Variants in POU6F2 observed in about 807,000 individuals in gnomAD.
POU6F2 encodes the protein POU class 6 homeobox 2, also known as POU domain, class 6, transcription factor 2.
A neutral mutation model predicts 71.3 loss-of-function variants in POU6F2; 31 were observed. That is an observed-to-expected ratio of 0.43 (90% CI 0.33 to 0.59). The LOEUF (loss-of-function observed/expected upper bound fraction) is 0.59. Among genes scored for constraint, POU6F2 ranks in the 20% least tolerant of loss-of-function variants. The pLI, the probability that POU6F2 is intolerant of heterozygous loss-of-function variation, is 0.04. For synonymous variants in POU6F2, 347 were observed against 355.7 expected (o/e 0.98, Z 0.27); for missense variants, 783 against 856.8 (o/e 0.91, Z 1.07).
intron 1 of POU6F2, among the ~76,000 whole-genome samples, chr7:39,040,435 C>T (rs1470980377): frequency 2.6e-5 from 4 of 151,258 alleles, no homozygotes; most frequent in African/African-American, 4.8e-5. Flanking sequence ...ATTAATGCCA[C>T]TTCTAAGATA....
chr7:39,420,938 A>G (rs1207730137), intron 6 of POU6F2, among the ~76,000 whole-genome samples: 4 of 152,308 alleles, frequency 2.6e-5, no homozygotes, highest in Admixed American at 2.0e-4. Flanking sequence ...TTTATTAGCA[A>G]TAAGAAATCA....
intron 1 of POU6F2, among the ~76,000 whole-genome samples, chr7:39,023,716 A>G (rs1176306183): frequency 6.6e-6 from 1 of 152,058 alleles, no homozygotes; most frequent in African/African-American, 2.4e-5. Flanking sequence ...ATGTCCTCCT[A>G]TGTCACATTA....
At chr7:39,015,707 CTA>C (rs1789477842) in intron 1 of POU6F2, among the ~76,000 whole-genome samples, 1 of 6,078 alleles carries the variant, frequency 1.6e-4, no homozygotes, top group Non-Finnish European at 6.0e-4. Flanking sequence ...TTATATATAT[CTA>C]TGTTATATAG....
intron 2 of POU6F2, among the ~76,000 whole-genome samples, chr7:39,113,228 GTTTTA>G (rs945118442): frequency 6.6e-6 from 1 of 152,088 alleles, no homozygotes; most frequent in African/African-American, 2.4e-5. Flanking sequence ...TTTTCGTTCT[GTTTTA>G]TTTTATTTTT....
chr7:39,356,861 A>G (rs534165334), intron 5 of POU6F2, among the ~76,000 whole-genome samples: 1 of 152,298 alleles, frequency 6.6e-6, no homozygotes, highest in South Asian at 2.1e-4. Flanking sequence ...TTATCTTCAC[A>G]GTGGGTTTTG....
intron 1 of POU6F2, among the ~76,000 whole-genome samples, chr7:38,979,922 A>G (rs1212411153): frequency 6.6e-6 from 1 of 152,280 alleles, no homozygotes; most frequent in East Asian, 1.9e-4. Flanking sequence ...TGTTTATTGG[A>G]AATCAATTGT....
intron 2 of POU6F2, among the ~76,000 whole-genome samples, chr7:39,145,643 G>A (rs1792605274): frequency 6.6e-6 from 1 of 152,186 alleles, no homozygotes; most frequent in Non-Finnish European, 1.5e-5. Context: ...TGGGTCTGGG[G>A]CATTTTGAGT....
At chr7:39,422,608 A>C (rs572899600) in intron 6 of POU6F2, among the ~76,000 whole-genome samples, 7 of 152,274 alleles carry the variant, frequency 4.6e-5, no homozygotes, top group African/African-American at 1.7e-4. Context: ...TGATGGACTA[A>C]AGATGTGCAG....
At chr7:39,440,819 T>G (rs1255017825) in intron 7 of POU6F2, among the ~76,000 whole-genome samples, 2 of 152,210 alleles carry the variant, frequency 1.3e-5, no homozygotes, top group South Asian at 4.1e-4. Context: ...TTTGTGAGTT[T>G]GTCTAGTTTC....
At chr7:39,078,548 A>T (rs557980211) in intron 1 of POU6F2, among the ~76,000 whole-genome samples, 1 of 152,322 alleles carries the variant, frequency 6.6e-6, no homozygotes, top group African/African-American at 2.4e-5. Flanking sequence ...GTGGTCAGTG[A>T]ACTGTGTTTG....
chr7:39,360,693 G>A (rs1308850355), intron 5 of POU6F2, among the ~76,000 whole-genome samples: 2 of 152,214 alleles, frequency 1.3e-5, no homozygotes, highest in African/African-American at 4.8e-5. Context: ...ACTTCCATAG[G>A]CAGAGGAGCC....
At chr7:39,086,496 G>A (rs190285132) in intron 2 of POU6F2, among the ~76,000 whole-genome samples, 55 of 152,184 alleles carry the variant, frequency 3.6e-4, no homozygotes, top group Admixed American at 1.0e-3. Flanking sequence ...GCTATGCCAG[G>A]TAAACAAAGG....
chr7:39,432,703 G>A lies in POU6F2; in HGVS notation c.1114-374G>A, dbSNP rs564045939. Among the ~76,000 whole-genome samples the A allele has an allele frequency of 1.5e-4, 23 of 152,174 alleles. No individual in the cohort carries two copies. The South Asian group carries it at 4.8e-3, about 32-fold the overall frequency. ...GCCCCCCGGGGTTGGGGGGTGGTGGGGATGCACTCTTCCCAGGTGGAAGAG... is the reference window on the plus strand; with the variant it reads ...GCCCCCCGGGGTTGGGGGGTGGTGGAGATGCACTCTTCCCAGGTGGAAGAG... On this transcript the variant is annotated intron_variant, in intron 6 of 9. Transcript: ENST00000518318.
At chr7:39,119,778 T>A (rs544789145) in intron 2 of POU6F2, among the ~76,000 whole-genome samples, 1 of 152,372 alleles carries the variant, frequency 6.6e-6, no homozygotes, top group African/African-American at 2.4e-5. Flanking sequence ...TATTCTCATT[T>A]ATGACCCAAA....
At chr7:39,117,006 T>C (rs906108721) in intron 2 of POU6F2, among the ~76,000 whole-genome samples, 1 of 152,190 alleles carries the variant, frequency 6.6e-6, no homozygotes, top group African/African-American at 2.4e-5. Flanking sequence ...CTTGTTTGTA[T>C]GGTGAGTCTG....
At chr7:39,229,647 CACTGATGTT>C (rs1294458939) in intron 4 of POU6F2, among the ~76,000 whole-genome samples, 2 of 152,204 alleles carry the variant, frequency 1.3e-5, no homozygotes, top group Non-Finnish European at 2.9e-5. Flanking sequence ...GTTTGTGAGA[CACTGATGTT>C]AAAGTTTTCT....
intron 5 of POU6F2, among the ~76,000 whole-genome samples, chr7:39,364,929 A>C (rs892683358): frequency 6.6e-6 from 1 of 151,584 alleles, no homozygotes; most frequent in Non-Finnish European, 1.5e-5. Flanking sequence ...GCCAACATCT[A>C]TTTTTTTTCT....
chr7:39,098,890 A>G (rs1195716751), intron 2 of POU6F2, among the ~76,000 whole-genome samples: 1 of 152,216 alleles, frequency 6.6e-6, no homozygotes, highest in Admixed American at 6.5e-5. Flanking sequence ...GGCAGCAGAT[A>G]CCATAAAACC....
In POU6F2 at chr7:39,270,695, A is replaced by G. The variant is rs185478368; in HGVS notation, c.598+63075A>G. ...GGAACATTGATTTTTGCTGGTCACT[A>G]TGAGGCCTGGAGGGTCGCGGAGTCC... is the stretch of plus-strand genomic sequence containing the variant. On this transcript the variant is annotated intron_variant, in intron 4 of 9. Coordinates refer to ENST00000518318, the MANE Select transcript of POU6F2 (RefSeq NM_001370959.1). Among the ~76,000 whole-genome samples, 10 of 152,224 alleles carry G rather than the reference A, an allele frequency of 6.6e-5. No homozygotes were observed. In the East Asian group the frequency reaches 1.9e-3, roughly 29 times the overall value.
Sources: gnomAD v4.1 joint callset for allele counts (sites outside exome capture counted in the v4.1 genomes callset) on GRCh38, gnomAD v4.1.1 for gene constraint, MANE v1.5 for transcripts, NCBI Gene and HGNC (gene_info 2026-07-23, HGNC 2026-07-21) for gene names.